FHIT: variants seen among roughly 807,000 people sequenced by gnomAD.
The protein encoded by FHIT is fragile histidine triad diadenosine triphosphatase, also known as bis(5'-adenosyl)-triphosphatase.
A neutral mutation model predicts 17.9 loss-of-function variants in FHIT; 19 were observed. The observed-to-expected ratio is 1.06, with a 90% CI of 0.74 to 1.56. FHIT has a LOEUF of 1.56. FHIT is among the 40% of genes most tolerant of loss of function. The pLI, the probability that FHIT is intolerant of heterozygous loss-of-function variation, is 0.00. For synonymous variants in FHIT, 81 were observed against 69.7 expected, an observed-to-expected ratio of 1.16 and a Z score of -0.81; for missense variants, 248 against 189.2, an observed-to-expected ratio of 1.31 and a Z score of -1.82.
chr3:60,664,602 TC>T (rs1440354499), intron 4 of FHIT, among the ~76,000 whole-genome samples: 1 of 151,926 alleles, frequency 6.6e-6, no homozygotes, highest in Non-Finnish European at 1.5e-5. Flanking sequence ...AACAATGTAG[TC>T]CTAGAGATTT....
intron 4 of FHIT, among the ~76,000 whole-genome samples, chr3:60,610,411 A>C (rs984607348): frequency 1.3e-5 from 2 of 152,210 alleles, no homozygotes; most frequent in African/African-American, 4.8e-5. Flanking sequence ...AGCATCTGAT[A>C]TGATCACCCT....
At chr3:59,840,696 C>T (rs756820540) in intron 8 of FHIT, among the ~76,000 whole-genome samples, 8 of 152,060 alleles carry the variant, frequency 5.3e-5, no homozygotes, top group Non-Finnish European at 7.4e-5. Flanking sequence ...CATCACTCAA[C>T]GTCCCCAGTA....
intron 8 of FHIT, among the ~76,000 whole-genome samples, chr3:59,825,708 A>C (rs1450046355): frequency 1.3e-5 from 2 of 152,180 alleles, no homozygotes; most frequent in African/African-American, 4.8e-5. Context: ...GAAGACTAAT[A>C]GTTTCCACAG....
At chr3:59,962,545 A>C (rs1263737545) in intron 7 of FHIT, among the ~76,000 whole-genome samples, 1 of 152,310 alleles carries the variant, frequency 6.6e-6, no homozygotes. Flanking sequence ...GGAAAGATAA[A>C]TTATTATTGT....
At chr3:60,549,577 C>T (rs1056972558) in intron 4 of FHIT, among the ~76,000 whole-genome samples, 3 of 152,100 alleles carry the variant, frequency 2.0e-5, no homozygotes, top group Admixed American at 1.3e-4. Context: ...TGATATCCAA[C>T]GGTTGTATAG....
intron 5 of FHIT, among the ~76,000 whole-genome samples, chr3:60,098,071 T>C (rs895066662): frequency 2.2e-4 from 34 of 151,588 alleles, no homozygotes; most frequent in Non-Finnish European, 3.4e-4. Context: ...CTGCATAGTA[T>C]TCCATGGTGT....
At chr3:61,228,315 G>T (rs545211136) in intron 1 of FHIT, among the ~76,000 whole-genome samples, 1 of 152,044 alleles carries the variant, frequency 6.6e-6, no homozygotes, top group African/African-American at 2.4e-5. Context: ...CATCAAGGGC[G>T]GGATACTGAG....
chr3:59,983,304 G>A (rs961778948), intron 7 of FHIT, among the ~76,000 whole-genome samples: 1 of 152,072 alleles, frequency 6.6e-6, no homozygotes, highest in African/African-American at 2.4e-5. Flanking sequence ...ACATCCTCAG[G>A]AATGTTAAGG....
At chr3:60,986,472 AAAG>A (rs1207065181) in intron 3 of FHIT, among the ~76,000 whole-genome samples, 6 of 152,192 alleles carry the variant, frequency 3.9e-5, no homozygotes, top group African/African-American at 1.4e-4. Flanking sequence ...TGCTGATAGA[AAAG>A]AAAACTGTGA....
chr3:60,401,087 CT>C (rs1379715449), intron 5 of FHIT, among the ~76,000 whole-genome samples: 2 of 152,144 alleles, frequency 1.3e-5, no homozygotes, highest in African/African-American at 4.8e-5. Flanking sequence ...TCTGCAGCCC[CT>C]GGTAGCACCT....
At chr3:60,181,421 C>T (rs1473357358) in intron 5 of FHIT, among the ~76,000 whole-genome samples, 1 of 152,148 alleles carries the variant, frequency 6.6e-6, no homozygotes. Context: ...GCTGGGATTA[C>T]AGGTGTGAGC....
chr3:60,944,232 T>C (rs1708547166), intron 3 of FHIT, among the ~76,000 whole-genome samples: 1 of 152,208 alleles, frequency 6.6e-6, no homozygotes, highest in Non-Finnish European at 1.5e-5. Context: ...TATGAGAATA[T>C]GCTTTAGGTT....
Position 60,194,518 on chromosome 3 carries a change from T to C in FHIT, c.104-180366A>G, listed in dbSNP as rs138186175. ...AACCTAGGAAAAACTCTTCTGGATA[T>C]TGGCCTAGGCAAACAATCTATGACT... On this transcript the variant is annotated intron_variant, in intron 5 of 9. Coordinates refer to ENST00000492590, the MANE Select transcript of FHIT (RefSeq NM_002012.4). 1.8e-3 allele frequency among the ~76,000 whole-genome samples: 267 copies of C among 152,248 alleles called. 1 individual carries two copies. The highest frequency in any genetic ancestry group is 6.0e-3 in the African/African-American group (248 of 41,558).
chr3:60,741,641 G>C (rs1234096079), intron 4 of FHIT, among the ~76,000 whole-genome samples: 1 of 152,198 alleles, frequency 6.6e-6, no homozygotes, highest in African/African-American at 2.4e-5. Flanking sequence ...TTTCGACTCT[G>C]TGACTTTTGC....
At chr3:60,895,227 C>T (rs1053999162) in intron 3 of FHIT, among the ~76,000 whole-genome samples, 4 of 152,156 alleles carry the variant, frequency 2.6e-5, no homozygotes, top group Admixed American at 6.5e-5. Context: ...GGATTAGATT[C>T]ATAGTACATG....
At chr3:59,960,923 C>A (rs1707645590) in intron 7 of FHIT, among the ~76,000 whole-genome samples, 1 of 152,214 alleles carries the variant, frequency 6.6e-6, no homozygotes, top group Non-Finnish European at 1.5e-5. Flanking sequence ...ATTATCCTGA[C>A]AGCGAACCCA....
At chr3:60,858,470 G>T (rs1300244495) in intron 3 of FHIT, among the ~76,000 whole-genome samples, 2 of 152,032 alleles carry the variant, frequency 1.3e-5, no homozygotes, top group Non-Finnish European at 2.9e-5. Flanking sequence ...CCAGGAAACC[G>T]CTGCACTTTC....
intron 2 of FHIT, among the ~76,000 whole-genome samples, chr3:61,071,681 TA>T (rs758444340): frequency 2.6e-5 from 4 of 152,130 alleles, no homozygotes; most frequent in Non-Finnish European, 5.9e-5. Flanking sequence ...AATATGTTTA[TA>T]ATAAGTATTT....
At chr3:60,539,723 T>C (rs1163364698) in intron 4 of FHIT, among the ~76,000 whole-genome samples, 1 of 152,102 alleles carries the variant, frequency 6.6e-6, no homozygotes, top group Non-Finnish European at 1.5e-5. Flanking sequence ...TTCTCACTTA[T>C]AGGTGGGAAT....
Sources: gnomAD v4.1 joint callset for allele counts (sites outside exome capture counted in the v4.1 genomes callset) on GRCh38, gnomAD v4.1.1 for gene constraint, MANE v1.5 for transcripts, NCBI Gene and HGNC (gene_info 2026-07-23, HGNC 2026-07-21) for gene names.